The following PNPLA8 variants were observed in gnomAD, a reference collection of about 807,000 sequenced individuals.
The protein encoded by PNPLA8 is calcium-independent phospholipase A2-gamma.
Under a neutral mutation model 76.9 loss-of-function variants are expected in PNPLA8, and 39 were observed. The ratio of observed to expected loss-of-function variants is 0.51; its 90% confidence interval spans 0.39 to 0.66. The LOEUF (loss-of-function observed/expected upper bound fraction) is 0.66. PNPLA8 is among the 30% of genes least tolerant of loss of function. The pLI is 0.00. For synonymous variants in PNPLA8, 301 were observed against 307.9 expected, an observed-to-expected ratio of 0.98 and a Z score of 0.24; for missense variants, 887 against 918.0, an observed-to-expected ratio of 0.97 and a Z score of 0.44.
intron 2 of PNPLA8, 68 bp from the exon 3 acceptor site, chr7:108,515,642 A>T: frequency 1.1e-6 from 1 of 917,432 alleles, no homozygotes; most frequent in Non-Finnish European, 1.4e-6. Flanking sequence ...AGAAAACACA[A>T]GACTATTTGG....
At chr7:108,481,568 A>G (rs1347238041) in intron 9 of PNPLA8, among the ~76,000 whole-genome samples, 2 of 152,144 alleles carry the variant, frequency 1.3e-5, no homozygotes, top group East Asian at 3.8e-4. Context: ...TTTCTTATAT[A>G]TTCTAGATAT....
intron 9 of PNPLA8, among the ~76,000 whole-genome samples, chr7:108,480,995 G>T (rs1408972788): frequency 1.3e-5 from 2 of 152,104 alleles, no homozygotes; most frequent in Non-Finnish European, 2.9e-5. Context: ...TCTTTAAACT[G>T]CCTTCTCTTT....
chr7:108,481,837 T>C (rs1298238062), intron 9 of PNPLA8, among the ~76,000 whole-genome samples: 7 of 152,190 alleles, frequency 4.6e-5, no homozygotes, highest in Non-Finnish European at 8.8e-5. Flanking sequence ...TAAATTATCT[T>C]TGTATAATGT....
At chr7:108,504,235 T>G (rs1598928903) in intron 4 of PNPLA8, among the ~76,000 whole-genome samples, 1 of 152,186 alleles carries the variant, frequency 6.6e-6, no homozygotes, top group African/African-American at 2.4e-5. Context: ...ATGCAATTTT[T>G]TAAACTTACA....
chr7:108,520,770 G>A (rs573205325), intron 2 of PNPLA8, among the ~76,000 whole-genome samples: 1 of 152,044 alleles, frequency 6.6e-6, no homozygotes, highest in Admixed American at 6.6e-5. Flanking sequence ...TACTGAGACT[G>A]TAAAATGAAA....
rs369792502 is a variant in PNPLA8 at position 108,515,445 on chromosome 7, T to C, written c.47A>G (p.Asn16Ser). 8.2e-6 allele frequency: 13 copies of C among 1,594,060 alleles called. No individual in the cohort carries two copies. The highest frequency in any genetic ancestry group is 1.0e-5 in the Non-Finnish European group (12 of 1,171,622). ...CTGCTTCCCACAAACACTTCTTGCA[T>C]TACTAAGGAGGTAAATATATATATC... ...TVDIYIYLLS[N>S]ARSVCGKQRS... The change falls in exon 3 of 11, where the codon AAT becomes AGT. Residue 16 changes from asparagine (N) to serine (S), a missense_variant. Physicochemically the swap from Asn to Ser is conservative, Grantham distance 46. Coordinates refer to ENST00000257694, the MANE Select transcript of PNPLA8 (RefSeq NM_001256007.3).
intron 9 of PNPLA8, 63 bp from the exon 10 acceptor site, chr7:108,479,442 G>A (rs1360974329): frequency 3.7e-6 from 4 of 1,090,102 alleles, no homozygotes; most frequent in Non-Finnish European, 5.4e-6. Flanking sequence ...GCTGAACTAT[G>A]TAATAAGCTA....
chr7:108,504,802 C>T (rs1345229206), intron 4 of PNPLA8, among the ~76,000 whole-genome samples: 1 of 152,120 alleles, frequency 6.6e-6, no homozygotes, highest in Non-Finnish European at 1.5e-5. Flanking sequence ...TCTGGCTGGG[C>T]ATGGTGACTC....
chr7:108,483,071 C>T (rs1053374625), intron 9 of PNPLA8, among the ~76,000 whole-genome samples: 4 of 152,198 alleles, frequency 2.6e-5, no homozygotes, highest in African/African-American at 9.6e-5. Flanking sequence ...TATGATAACT[C>T]TTCATTTCTG....
At chr7:108,513,390 T>C (rs1199151273) in intron 4 of PNPLA8, among the ~76,000 whole-genome samples, 1 of 152,026 alleles carries the variant, frequency 6.6e-6, no homozygotes, top group Non-Finnish European at 1.5e-5. Context: ...TCAAAGACAA[T>C]TTTTCAACAA....
At position 108,472,441 on chromosome 7, in the gene PNPLA8, G is replaced by C; in HGVS notation, c.2309C>G (p.Thr770Ser). The C allele has an allele frequency of 1.9e-6, 3 of 1,595,670 alleles. No individual in the cohort carries two copies. The highest frequency in any genetic ancestry group is 2.6e-6 in the Non-Finnish European group (3 of 1,169,716). ...GAATGGAAGTCCTTCATACATATCA[G>C]TTTTTAATTTTATCCAATCATTAAT... ...QKINDWIKLK[T>S]DMYEGLPFFS... Residue 770 changes from threonine to serine, a missense_variant, in exon 11 of 11, where the codon ACT becomes AGT. Transcript: ENST00000257694.
intron 4 of PNPLA8, among the ~76,000 whole-genome samples, chr7:108,506,185 C>T (rs774009227): frequency 2.2e-4 from 34 of 152,282 alleles, no homozygotes; most frequent in Non-Finnish European, 4.1e-4. Context: ...GGAGACCAGC[C>T]TGACCAACAG....
intron 9 of PNPLA8, among the ~76,000 whole-genome samples, chr7:108,486,422 A>C (rs780095759): frequency 6.6e-6 from 1 of 152,110 alleles, no homozygotes; most frequent in Non-Finnish European, 1.5e-5. Flanking sequence ...ATTTTGACCA[A>C]TAAGTCCTGA....
At chr7:108,511,051 A>AG in intron 4 of PNPLA8, 3 of 677,592 alleles carry the variant, frequency 4.4e-6, no homozygotes, top group Non-Finnish European at 7.4e-6. Context: ...AAAAAAAAAA[A>AG]AAAAAAAAGA....
chr7:108,516,275 T>C (rs538978057), intron 2 of PNPLA8, among the ~76,000 whole-genome samples: 1 of 152,176 alleles, frequency 6.6e-6, no homozygotes, highest in East Asian at 1.9e-4. Flanking sequence ...GACAAATAGA[T>C]CAATGGAACA....
intron 10 of PNPLA8, among the ~76,000 whole-genome samples, chr7:108,472,904 C>T (rs1001034222): frequency 6.6e-6 from 1 of 151,570 alleles, no homozygotes; most frequent in African/African-American, 2.4e-5. Flanking sequence ...TAGTATACTT[C>T]TTCTATTCTC....
In PNPLA8 at chr7:108,475,106, G is replaced by A. The variant is rs1015372976; in HGVS notation, c.2075-2431C>T. Among the ~76,000 whole-genome samples the A allele has an allele frequency of 4.6e-5, 7 of 152,180 alleles. No homozygotes were observed. The East Asian group carries it at 7.7e-4, about 17-fold the overall frequency. On this transcript the variant is annotated intron_variant, in intron 10 of 10. Transcript: ENST00000257694. ...TGAACTGAGCATGCAAGGGATCTAG[G>A]TTGCGTGCTCCTTAGGTGAATCTAA...
chr7:108,486,043 C>T (rs189385236), intron 9 of PNPLA8, among the ~76,000 whole-genome samples: 1 of 151,906 alleles, frequency 6.6e-6, no homozygotes, highest in African/African-American at 2.4e-5. Context: ...AATGTCTAAG[C>T]GTGAACAGAA....
Position 108,514,170 on chromosome 7 carries a change from G to A in PNPLA8, c.1180C>T (p.Pro394Ser). 1.9e-6 allele frequency: 3 copies of A among 1,606,046 alleles called. No homozygotes were observed. Among genetic ancestry groups the A allele is most frequent in the Non-Finnish European group, 2.6e-6 (3 of 1,174,730 alleles). Reference protein sequence around the residue: ...EELTFHLLEFPEGKGVAVKER... With the variant: ...EELTFHLLEFSEGKGVAVKER... ...TTGACAGCCACTCCTTTTCCTTCAG[G>A]AAATTCTAGAAGATGAAAAGTCAGT... Residue 394 changes from proline (P) to serine (S), a missense_variant, in exon 4 of 11, where the codon CCT becomes TCT. Coordinates refer to ENST00000257694, the MANE Select transcript of PNPLA8 (RefSeq NM_001256007.3).
Sources: gnomAD v4.1 joint callset for allele counts (sites outside exome capture counted in the v4.1 genomes callset) on GRCh38, gnomAD v4.1.1 for gene constraint, MANE v1.5 for transcripts, NCBI Gene and HGNC (gene_info 2026-07-23, HGNC 2026-07-21) for gene names.